NCR1: variants seen among roughly 807,000 people sequenced by gnomAD.
The protein encoded by NCR1 is NK cell-activating receptor.
NCR1 carries 30 observed loss-of-function variants against 32.5 expected under a neutral mutation model. The ratio of observed to expected loss-of-function variants is 0.92; its 90% CI spans 0.69 to 1.25. NCR1 has a LOEUF of 1.25. NCR1 is among the 50% of genes most tolerant of loss of function. NCR1 has a pLI of 0.00. For missense variants in NCR1, 369 were observed against 380.7 expected (o/e 0.97, Z 0.26); for synonymous variants, 169 against 143.4 (o/e 1.18, Z -1.28).
At chr19:54,908,217 C>T (rs1013247091) in intron 3 of NCR1, among the ~76,000 whole-genome samples, 4 of 152,146 alleles carry the variant, frequency 2.6e-5, no homozygotes, top group African/African-American at 7.2e-5. Flanking sequence ...CTTCAAGCAT[C>T]TGTTTAACAA....
At chr19:54,922,635 C>A in the NCR1 span, among the ~76,000 whole-genome samples, 1 of 151,878 alleles carries the variant, frequency 6.6e-6, no homozygotes, top group African/African-American at 2.4e-5. Flanking sequence ...AAAAATTAGC[C>A]AGGCATGGTG....
In NCR1 at chr19:54,906,677, T is replaced by C. The variant is rs1367225723; in HGVS notation, c.225T>C (p.Pro75=). The change falls in exon 3 of 7, where the codon CCT becomes CCC. Residue 75 remains proline (P), a synonymous_variant. Transcript: ENST00000291890. ...TTGCCGTGGACAGACCAAAACCCCC[T>C]GAGCGGATTAACAAAGTCCAATTCT... is the stretch of plus-strand genomic sequence containing the variant. The part of the protein sequence containing the change: ...SLFAVDRPKP[P]ERINKVQFYI... 3 of 1,614,218 alleles carry C rather than the reference T, an allele frequency of 1.9e-6. No homozygotes were observed. Among genetic ancestry groups the C allele is most frequent in the Non-Finnish European group, 2.5e-6 (3 of 1,180,044 alleles).
chr19:54,919,633 C>T (rs775855), downstream of NCR1, among the ~76,000 whole-genome samples: 3,282 of 151,076 alleles, frequency 0.022, 33 homozygotes, highest in African/African-American at 0.074. Flanking sequence ...CGGATAACTG[C>T]GGGCGAGCCT....
At chr19:54,934,393 G>A in the NCR1 span, 2 of 1,238,984 alleles carry the variant, frequency 1.6e-6, no homozygotes, top group South Asian at 1.2e-5. This position sits in a 1 kb window ranked among gnomAD's most constrained non-coding sequence, Gnocchi z 6.7. Context: ...TTCAGCAAGA[G>A]GCGCCACGTG....
chr19:54,923,607 A>G, the NCR1 span: 1 of 1,026,726 alleles, frequency 9.7e-7, no homozygotes, highest in South Asian at 1.3e-5. Context: ...AAAAATAGTG[A>G]GAAAACCAGT....
At chr19:54,922,957 C>T in the NCR1 span, among the ~76,000 whole-genome samples, 1 of 150,406 alleles carries the variant, frequency 6.6e-6, no homozygotes, top group Non-Finnish European at 1.5e-5. Flanking sequence ...CAAAGAGAGA[C>T]ACACAGAGAC....
the NCR1 span, among the ~76,000 whole-genome samples, chr19:54,926,234 G>GCA: frequency 6.7e-6 from 1 of 149,168 alleles, no homozygotes; most frequent in Non-Finnish European, 1.5e-5. Flanking sequence ...GTGTGCTCAT[G>GCA]CACACACATA....
downstream of NCR1, chr19:54,915,993 T>C (rs1461572041): frequency 6.8e-6 from 1 of 147,288 alleles, no homozygotes; most frequent in Non-Finnish European, 1.5e-5. Context: ...GAACAGTGAA[T>C]AAATGGTTGT....
chr19:54,916,343 C>T (rs1330167985), downstream of NCR1, among the ~76,000 whole-genome samples: 4 of 68,434 alleles, frequency 5.8e-5, 1 homozygote, highest in Non-Finnish European at 1.1e-4. Flanking sequence ...TTTTTTGAGA[C>T]GAAGTCCTGC....
chr19:54,906,056 A>G (rs778132864), upstream of NCR1: 366 of 1,093,220 alleles, frequency 3.3e-4, 4 homozygotes, highest in Middle Eastern at 1.7e-3. Flanking sequence ...GAACGTTCTG[A>G]TGAAAGCAGT....
downstream of NCR1, among the ~76,000 whole-genome samples, chr19:54,914,990 G>T (rs147306892): frequency 6.6e-5 from 10 of 152,104 alleles, 1 homozygote; most frequent in East Asian, 1.9e-3. Flanking sequence ...TGATCCCCCC[G>T]CCTTGGCCTC....
At chr19:54,937,451 G>A in the NCR1 span, among the ~76,000 whole-genome samples, 3,211 of 151,870 alleles carry the variant, frequency 0.021, 46 homozygotes, top group Middle Eastern at 0.045. Flanking sequence ...CAGCACTTTC[G>A]AAGACCGAGG....
At chr19:54,920,491 G>A (rs940416217), downstream of NCR1, among the ~76,000 whole-genome samples, 4 of 152,094 alleles carry the variant, frequency 2.6e-5, no homozygotes, top group Admixed American at 6.6e-5. Flanking sequence ...CTGGTCAGGC[G>A]CCGTAATCAC....
downstream of NCR1, among the ~76,000 whole-genome samples, chr19:54,916,835 G>A (rs547196422): frequency 7.4e-5 from 11 of 149,024 alleles, no homozygotes; most frequent in Admixed American, 2.1e-4. Context: ...CTCCAGAGTC[G>A]CTGGGATTAC....
chr19:54,917,230 G>A (rs545616356), downstream of NCR1, among the ~76,000 whole-genome samples: 3 of 151,376 alleles, frequency 2.0e-5, no homozygotes, highest in African/African-American at 4.8e-5. Context: ...CAGGAGAATC[G>A]TTCAAACCCG....
the NCR1 span, among the ~76,000 whole-genome samples, chr19:54,935,694 GAAAAA>G: frequency 9.4e-6 from 1 of 106,038 alleles, no homozygotes; most frequent in Non-Finnish European, 2.2e-5. Flanking sequence ...CTGTCTCAAA[GAAAAA>G]AAAAAAAAAA....
the NCR1 span, among the ~76,000 whole-genome samples, chr19:54,931,976 C>T: frequency 1.3e-5 from 2 of 152,008 alleles, no homozygotes; most frequent in Non-Finnish European, 2.9e-5. Flanking sequence ...TTATTTTCTG[C>T]GTGGTTAGAT....
chr19:54,898,262 C>T, the NCR1 span, among the ~76,000 whole-genome samples: 1 of 152,144 alleles, frequency 6.6e-6, no homozygotes, highest in African/African-American at 2.4e-5. Context: ...TCAGTGGGGT[C>T]CCGCACAGAT....
Position 54,913,050 on chromosome 19 carries a change from A to G in NCR1, c.*179A>G. The G allele has an allele frequency of 1.9e-6, 1 of 517,988 alleles. No homozygotes were observed. The highest frequency in any genetic ancestry group is 3.1e-6 in the Non-Finnish European group (1 of 318,542). The allele number at this position is 517,988 out of a possible 1,614,324, so 32.1% of individuals were successfully genotyped here. On this transcript the variant is annotated 3_prime_UTR_variant, in exon 7 of 7. Transcript: ENST00000291890. ...CAGAGGGTGGGAGAACTACATGCTA[A>G]ATTTCTTTTTTTTTTTTTTTGAGAC...
Sources: allele counts gnomAD v4.1 joint callset (sites outside exome capture counted in the v4.1 genomes callset), GRCh38; gene constraint gnomAD v4.1.1; non-coding constraint Gnocchi (gnomAD v3.1); transcripts MANE v1.5; gene names NCBI Gene and HGNC (gene_info 2026-07-23, HGNC 2026-07-21).